The following CNTNAP5 variants were observed in gnomAD, a reference collection of about 807,000 sequenced individuals.
CNTNAP5 encodes the protein contactin associated protein family member 5, also known as contactin-associated protein-like 5.
In CNTNAP5, 72 loss-of-function variants were observed where a neutral mutation model predicts 150.2. That is an observed-to-expected ratio of 0.48 (90% CI 0.40 to 0.58). The LOEUF (loss-of-function observed/expected upper bound fraction) is 0.58. Ranked by LOEUF, CNTNAP5 falls within the 20% of genes least tolerant of loss-of-function variation. The probability of loss-of-function intolerance (pLI) is 0.00; values close to 1 mark genes in which losing one functional copy is unlikely to be tolerated. For missense variants in CNTNAP5, 1,636 were observed against 1,626.2 expected, an observed-to-expected ratio of 1.01 and a Z score of -0.10; for synonymous variants, 672 against 619.8, an observed-to-expected ratio of 1.08 and a Z score of -1.25.
intron 8 of CNTNAP5, among the ~76,000 whole-genome samples, chr2:124,510,348 AACACACACACACACACACACAC>A (rs3039130): frequency 1.5e-5 from 1 of 68,294 alleles, no homozygotes; most frequent in Non-Finnish European, 2.6e-5. Flanking sequence ...TCCATATGTC[AACACACACACACACACACACAC>A]ACACACACAC....
intron 12 of CNTNAP5, among the ~76,000 whole-genome samples, chr2:124,629,951 A>AAAAAAAAAAAAC (rs1422707257): frequency 1.9e-4 from 28 of 148,886 alleles, no homozygotes; most frequent in Non-Finnish European, 3.5e-4. Context: ...AAAAAAAAAA[A>AAAAAAAAAAAAC]AAAACTGGAA....
rs377608203 is a variant in CNTNAP5 at position 124,338,273 on chromosome 2, C to T, written c.382-79170C>T. Among the ~76,000 whole-genome samples, 164 of 152,228 alleles carry T rather than the reference C, an allele frequency of 1.1e-3. 1 individual carries two copies. Among genetic ancestry groups the T allele is most frequent in the African/African-American group, 3.5e-3 (144 of 41,524 alleles). On this transcript the variant is annotated intron_variant, in intron 3 of 23. Transcript: ENST00000682447. Reference sequence around the variant, plus strand: ...AGCTTAAGGAGATTTTGGGCTGAGACGATGGCATTTTCTAGATAAACAATC... The same window carrying T: ...AGCTTAAGGAGATTTTGGGCTGAGATGATGGCATTTTCTAGATAAACAATC...
chr2:124,148,448 T>C lies in CNTNAP5; in HGVS notation c.83-73257T>C, dbSNP rs577833248. ...GGTTTTGTTTCCTGCCGTATCGTCA[T>C]GTTTCTAAACTCTGCCTATAACAAA... On this transcript the variant is annotated intron_variant, in intron 1 of 23. Transcript: ENST00000682447. Among the ~76,000 whole-genome samples the C allele has an allele frequency of 9.2e-4, 137 of 149,118 alleles. 2 individuals are homozygous for C. The highest frequency in any genetic ancestry group is 3.6e-3 in the Middle Eastern group (1 of 280).
In CNTNAP5 at chr2:124,659,505, G is replaced by C. The variant is rs542605765; in HGVS notation, c.2077+11547G>C. Among the ~76,000 whole-genome samples, 70 of 152,288 alleles carry C rather than the reference G, an allele frequency of 4.6e-4. No individual in the cohort carries two copies. In the South Asian group the frequency reaches 0.014, roughly 31 times the overall value. ...TTTGGAGTAGCCATCATCAGGAAAG[G>C]TAATCTGAATCTGCATTTCATTTTC... is the stretch of plus-strand genomic sequence containing the variant. On this transcript the variant is annotated intron_variant, in intron 13 of 23. Transcript: ENST00000682447.
intron 1 of CNTNAP5, among the ~76,000 whole-genome samples, chr2:124,207,683 AT>A (rs1448784757): frequency 6.6e-6 from 1 of 152,154 alleles, no homozygotes; most frequent in Non-Finnish European, 1.5e-5. Context: ...GCTTTCCGGT[AT>A]GTCTTTTCTC....
intron 3 of CNTNAP5, among the ~76,000 whole-genome samples, chr2:124,339,963 A>C (rs930343516): frequency 2.0e-5 from 3 of 152,038 alleles, no homozygotes; most frequent in Admixed American, 6.6e-5. Context: ...AAAAACTTAG[A>C]ATTTGCAATA....
At chr2:124,177,850 CTT>C (rs35920642) in intron 1 of CNTNAP5, among the ~76,000 whole-genome samples, 9 of 141,666 alleles carry the variant, frequency 6.4e-5, no homozygotes, top group Admixed American at 7.1e-5. Flanking sequence ...TTATGGTTTA[CTT>C]TTTTTTTTTT....
chr2:124,796,183 T>C (rs1332297327), intron 18 of CNTNAP5, among the ~76,000 whole-genome samples: 1 of 152,176 alleles, frequency 6.6e-6, no homozygotes, highest in East Asian at 1.9e-4. Flanking sequence ...ACAACAGAAA[T>C]TTGGTTTGAC....
At chr2:124,077,746 A>T (rs1682471735) in intron 1 of CNTNAP5, among the ~76,000 whole-genome samples, 1 of 152,178 alleles carries the variant, frequency 6.6e-6, no homozygotes, top group Admixed American at 6.5e-5. Flanking sequence ...GGTCTCTAAT[A>T]CCAGCTTTAT....
chr2:124,167,384 T>G (rs1485041339), intron 1 of CNTNAP5, among the ~76,000 whole-genome samples: 2 of 152,222 alleles, frequency 1.3e-5, no homozygotes, highest in Non-Finnish European at 2.9e-5. Flanking sequence ...AGTTTTTACT[T>G]GGCAATATTA....
chr2:124,191,513 T>C (rs996623370), intron 1 of CNTNAP5, among the ~76,000 whole-genome samples: 1 of 152,144 alleles, frequency 6.6e-6, no homozygotes, highest in Non-Finnish European at 1.5e-5. Flanking sequence ...ATATGTATAG[T>C]CAAGTTGGAG....
At chr2:124,856,398 T>C (rs1161805542) in intron 19 of CNTNAP5, among the ~76,000 whole-genome samples, 1 of 152,202 alleles carries the variant, frequency 6.6e-6, no homozygotes, top group East Asian at 1.9e-4. Flanking sequence ...CTTTTAGTTC[T>C]TTAAGGAATC....
intron 19 of CNTNAP5, among the ~76,000 whole-genome samples, chr2:124,832,919 C>CTTTTTTTTTTT (rs539240335): frequency 4.9e-5 from 7 of 143,198 alleles, no homozygotes; most frequent in Admixed American, 7.0e-5. Context: ...TTTTCTTTTC[C>CTTTTTTTTTTT]TTTTTTTTTT....
At chr2:124,831,193 T>C (rs1172398445) in intron 19 of CNTNAP5, among the ~76,000 whole-genome samples, 1 of 152,004 alleles carries the variant, frequency 6.6e-6, no homozygotes, top group Non-Finnish European at 1.5e-5. Context: ...CACAACTATA[T>C]CATGACTTAC....
chr2:124,120,949 G>C (rs996408257), intron 1 of CNTNAP5, among the ~76,000 whole-genome samples: 1 of 152,022 alleles, frequency 6.6e-6, no homozygotes, highest in Non-Finnish European at 1.5e-5. Context: ...TTTTTTTGAT[G>C]TTGTTTGAGG....
At chr2:124,415,045 T>C (rs963442372) in intron 3 of CNTNAP5, among the ~76,000 whole-genome samples, 2 of 152,178 alleles carry the variant, frequency 1.3e-5, no homozygotes, top group Admixed American at 1.3e-4. Context: ...CGCAAGGACA[T>C]TTTAAAAGAA....
At chr2:124,329,626 G>T (rs1424271122) in intron 3 of CNTNAP5, among the ~76,000 whole-genome samples, 2 of 151,870 alleles carry the variant, frequency 1.3e-5, no homozygotes, top group Non-Finnish European at 2.9e-5. Context: ...GTTGGTGGCC[G>T]TGAAGAAAAA....
chr2:124,442,755 A>C (rs1415789368), intron 5 of CNTNAP5, among the ~76,000 whole-genome samples: 2 of 152,218 alleles, frequency 1.3e-5, no homozygotes, highest in Non-Finnish European at 2.9e-5. Flanking sequence ...CAACAAACAC[A>C]AATAAAGAAA....
intron 5 of CNTNAP5, among the ~76,000 whole-genome samples, chr2:124,446,155 C>T (rs1399311245): frequency 6.6e-6 from 1 of 152,140 alleles, no homozygotes; most frequent in Non-Finnish European, 1.5e-5. Flanking sequence ...CTGAGGCATG[C>T]ATGTCTCACC....
Sources: gnomAD v4.1 joint callset for allele counts (sites outside exome capture counted in the v4.1 genomes callset) on GRCh38, gnomAD v4.1.1 for gene constraint, MANE v1.5 for transcripts, NCBI Gene and HGNC (gene_info 2026-07-23, HGNC 2026-07-21) for gene names.